The following TTLL11 variants were observed in gnomAD, a reference collection of about 807,000 sequenced individuals.
TTLL11 encodes the protein tubulin polyglutamylase TTLL11.
Under a neutral mutation model 51.7 loss-of-function variants are expected in TTLL11, and 42 were observed. The observed-to-expected ratio is 0.81, with a 90% CI of 0.64 to 1.05. TTLL11 has a LOEUF of 1.05. TTLL11 is among the 50% of genes least tolerant of loss of function. TTLL11 has a pLI of 0.00. For missense variants in TTLL11, 799 were observed against 940.4 expected (o/e 0.85, Z 1.97); for synonymous variants, 381 against 383.5 (o/e 0.99, Z 0.08).
intron 1 of TTLL11, among the ~76,000 whole-genome samples, chr9:122,079,734 CAAAACTTTTGGCAAT>C (rs1203354274): frequency 6.6e-6 from 1 of 151,600 alleles, no homozygotes; most frequent in East Asian, 1.9e-4. Flanking sequence ...AATCACCTAT[CAAAACTTTTGGCAAT>C]AAAACTGCCA....
intron 6 of TTLL11, among the ~76,000 whole-genome samples, chr9:121,885,985 T>A (rs879859377): frequency 5.3e-5 from 8 of 152,198 alleles, no homozygotes; most frequent in Non-Finnish European, 1.2e-4. Context: ...TGCCTTGGAC[T>A]CCCAAAGTGC....
chr9:122,001,419 A>G (rs1225416342), intron 3 of TTLL11, among the ~76,000 whole-genome samples: 1 of 151,644 alleles, frequency 6.6e-6, no homozygotes, highest in African/African-American at 2.4e-5. Flanking sequence ...ACTGTTCTTA[A>G]TAATGTTACA....
At chr9:121,892,082 G>A (rs1839262324) in intron 6 of TTLL11, among the ~76,000 whole-genome samples, 1 of 146,204 alleles carries the variant, frequency 6.8e-6, no homozygotes, top group Non-Finnish European at 1.5e-5. Flanking sequence ...TATATATGTA[G>A]TGATGATAAT....
At chr9:121,881,530 C>T (rs532981976) in intron 6 of TTLL11, among the ~76,000 whole-genome samples, 3 of 152,334 alleles carry the variant, frequency 2.0e-5, no homozygotes, top group African/African-American at 7.2e-5. Context: ...GACTGATTTG[C>T]TTTGAGGGCT....
rs565001220 is a variant in TTLL11 at position 121,903,147 on chromosome 9, C to T, written c.1482-32399G>A. On this transcript the variant is annotated intron_variant, in intron 6 of 8. Coordinates refer to ENST00000321582, the MANE Select transcript of TTLL11 (RefSeq NM_001139442.2). ...GTACCTGAAACTGCACTGTATTTCA[C>T]ATAGATCCTCTAATCCTCATACCAC... 2.0e-5 allele frequency among the ~76,000 whole-genome samples: 3 copies of T among 152,308 alleles called. No individual in the cohort carries two copies. In the South Asian group the frequency reaches 6.2e-4, roughly 32 times the overall value.
At chr9:122,020,164 A>G (rs1346764822) in intron 3 of TTLL11, among the ~76,000 whole-genome samples, 1 of 152,218 alleles carries the variant, frequency 6.6e-6, no homozygotes, top group Non-Finnish European at 1.5e-5. Flanking sequence ...ACTGCTCATC[A>G]TTCCAAAATG....
chr9:121,868,422 T>A (rs372959591), intron 7 of TTLL11, among the ~76,000 whole-genome samples: 1 of 152,202 alleles, frequency 6.6e-6, no homozygotes, highest in East Asian at 1.9e-4. Context: ...GCCAGTAAGA[T>A]GGAAGTGGAA....
Position 122,039,335 on chromosome 9 carries a change from AG to A in TTLL11, c.495del (p.Tyr166ThrfsTer17). On this transcript the variant is annotated frameshift_variant, in exon 2 of 9. Transcript: ENST00000321582. LOFTEE classifies it high-confidence loss of function. The part of the protein sequence containing the change: ...FPFGRRLPCD[I>X]YWHGVSFHDN... ...TCGTGAAATGAAACTCCATGCCAGT[AG>A]ATGTCACAAGGCAAGCGCCGGCCAA... 1 of 1,614,104 alleles carries A rather than the reference AG, an allele frequency of 6.2e-7. No individual in the cohort carries two copies. Among genetic ancestry groups the A allele is most frequent in the Admixed American group, 1.7e-5 (1 of 60,020 alleles).
Position 121,882,246 on chromosome 9 carries a change from G to A in TTLL11, c.1482-11498C>T, listed in dbSNP as rs573877645. ...TAGGCTTCCAGGGAGGCTAGGTCAA[G>A]GGGGCTCACTGCTGGTCCACCCCTA... On this transcript the variant is annotated intron_variant, in intron 6 of 8. Transcript: ENST00000321582. Among the ~76,000 whole-genome samples, 8 of 152,234 alleles carry A rather than the reference G, an allele frequency of 5.3e-5. No individual in the cohort carries two copies. The East Asian group carries it at 1.5e-3, about 29-fold the overall frequency.
intron 6 of TTLL11, among the ~76,000 whole-genome samples, chr9:121,948,735 A>G (rs1237192079): frequency 6.6e-6 from 1 of 152,218 alleles, no homozygotes; most frequent in African/African-American, 2.4e-5. Context: ...TCCTAACTCT[A>G]GCTGCCAAGC....
At chr9:122,035,782 C>T (rs1844684570) in intron 2 of TTLL11, among the ~76,000 whole-genome samples, 2 of 152,134 alleles carry the variant, frequency 1.3e-5, no homozygotes, top group African/African-American at 4.8e-5. Context: ...TGCTAACATG[C>T]AAGCTGACCC....
At chr9:122,020,357 A>C (rs1462231862) in intron 3 of TTLL11, among the ~76,000 whole-genome samples, 1 of 152,118 alleles carries the variant, frequency 6.6e-6, no homozygotes, top group Non-Finnish European at 1.5e-5. Flanking sequence ...CCTGCTCCCC[A>C]TCACCAACAA....
At chr9:122,066,188 GTGTTGTTGTTGT>G (rs59290623) in intron 1 of TTLL11, among the ~76,000 whole-genome samples, 6 of 149,052 alleles carry the variant, frequency 4.0e-5, no homozygotes, top group African/African-American at 1.5e-4. Context: ...GGGGAGCAGA[GTGTTGTTGTTGT>G]TGTTGTTGTT....
intron 6 of TTLL11, among the ~76,000 whole-genome samples, chr9:121,895,891 TC>T (rs1588105811): frequency 1.1e-5 from 1 of 93,424 alleles, no homozygotes; most frequent in Non-Finnish European, 2.2e-5. Flanking sequence ...TGTCATTGTA[TC>T]TGTGTGTGTC....
At chr9:122,039,546 C>T (rs1844786741) in intron 1 of TTLL11, among the ~76,000 whole-genome samples, 178 bp from the exon 2 acceptor site, 1 of 152,148 alleles carries the variant, frequency 6.6e-6, no homozygotes, top group South Asian at 2.1e-4. Flanking sequence ...CAGATTCAAA[C>T]AGGTTTAATA....
intron 6 of TTLL11, among the ~76,000 whole-genome samples, chr9:121,915,727 C>T (rs1473675512): frequency 1.3e-5 from 2 of 151,952 alleles, no homozygotes; most frequent in Non-Finnish European, 2.9e-5. Flanking sequence ...TAAAAGGATC[C>T]TTACAGAGAA....
intron 4 of TTLL11, among the ~76,000 whole-genome samples, chr9:121,981,553 C>T (rs987006065): frequency 4.6e-5 from 7 of 152,144 alleles, no homozygotes; most frequent in African/African-American, 1.7e-4. Flanking sequence ...AAATGATTTC[C>T]CCATTGGTAA....
chr9:121,925,062 TG>T (rs1291674782), intron 6 of TTLL11, among the ~76,000 whole-genome samples: 2 of 152,142 alleles, frequency 1.3e-5, no homozygotes, highest in East Asian at 3.9e-4. Flanking sequence ...GGCTCAGCTG[TG>T]GGAGAGGAAG....
At chr9:121,923,447 T>C (rs571828910) in intron 6 of TTLL11, among the ~76,000 whole-genome samples, 1 of 151,852 alleles carries the variant, frequency 6.6e-6, no homozygotes, top group East Asian at 1.9e-4. Flanking sequence ...TTTTTTCAAT[T>C]TTGTTTTTAA....
Sources: allele counts gnomAD v4.1 joint callset (sites outside exome capture counted in the v4.1 genomes callset), GRCh38; gene constraint gnomAD v4.1.1; transcripts MANE v1.5; gene names NCBI Gene and HGNC (gene_info 2026-07-23, HGNC 2026-07-21).